The following ATAD3B variants were observed in gnomAD, a reference collection of about 807,000 sequenced individuals.
ATAD3B encodes ATPase family AAA domain-containing protein 3B.
In ATAD3B, 59 loss-of-function variants were observed where a neutral mutation model predicts 70.2. The ratio of observed to expected loss-of-function variants is 0.84; its 90% CI spans 0.68 to 1.04. ATAD3B has a LOEUF of 1.04. Ranked by LOEUF, ATAD3B falls within the 50% of genes least tolerant of loss-of-function variation. The pLI is 0.00. For missense variants in ATAD3B, 961 were observed against 913.4 expected (o/e 1.05, Z -0.67); for synonymous variants, 423 against 388.6 (o/e 1.09, Z -1.04).
intron 1 of ATAD3B, among the ~76,000 whole-genome samples, chr1:1,473,450 C>G (rs1246291317): frequency 6.6e-6 from 1 of 151,212 alleles, no homozygotes; most frequent in Non-Finnish European, 1.5e-5. Context: ...GTGGTCCACC[C>G]GCCTCGGCCT....
In ATAD3B at chr1:1,496,071, C is replaced by A. The variant is rs1640779963; in HGVS notation, c.*254C>A. ...CTAGACAGAAGTGGGGCGGCCTGAA[C>A]CCTGCTTCCAGCCATGGCCAGGGGC... On this transcript the variant is annotated 3_prime_UTR_variant, in exon 16 of 16. Transcript: ENST00000673477. 9 of 1,242,760 alleles carry A rather than the reference C, an allele frequency of 7.2e-6. No individual in the cohort carries two copies. The highest frequency in any genetic ancestry group is 8.1e-6 in the Non-Finnish European group (8 of 989,812). 77.0% of individuals were successfully genotyped at this position (1,242,760 alleles called of 1,614,324 possible). A position where few individuals can be genotyped will look rare whatever the true frequency, so the allele number is the denominator to read the frequency against.
chr1:1,495,330 G>C (rs777345604), intron 15 of ATAD3B, among the ~76,000 whole-genome samples, 155 bp from the exon 16 acceptor site: 1 of 152,064 alleles, frequency 6.6e-6, no homozygotes, highest in African/African-American at 2.4e-5. Context: ...GTCCACACGC[G>C]TGCTGGGCTC....
At chr1:1,509,334 G>C in the ATAD3B span, 1 of 1,611,594 alleles carries the variant, frequency 6.2e-7, no homozygotes, top group Non-Finnish European at 8.5e-7. Flanking sequence ...GCCCGAGGAC[G>C]AGCAACCCTC....
downstream of ATAD3B, among the ~76,000 whole-genome samples, chr1:1,502,584 T>C (rs1273027983): frequency 1.4e-5 from 2 of 146,232 alleles, no homozygotes; most frequent in East Asian, 4.2e-4. Flanking sequence ...CGATCTTGTC[T>C]CACTGCAACC....
downstream of ATAD3B, among the ~76,000 whole-genome samples, chr1:1,501,196 C>T (rs1021895514): frequency 1.1e-4 from 16 of 152,116 alleles, no homozygotes; most frequent in Admixed American, 9.2e-4. Flanking sequence ...TTAAGCGATT[C>T]TCCTGCCTCA....
chr1:1,502,212 T>C (rs941022113), downstream of ATAD3B, among the ~76,000 whole-genome samples: 8 of 150,256 alleles, frequency 5.3e-5, no homozygotes, highest in East Asian at 2.0e-4. Context: ...GGCTTTTTTT[T>C]TCTCTCTCTT....
At position 1,489,510 on chromosome 1, in the gene ATAD3B, C is replaced by T. The variant is rs189208949; in HGVS notation, c.1337+236C>T. ...GTCCTGTCTTCACGGCCCTGTGCGC[C>T]GCCGCCCCAGCTTGCAGGTCCCTCT... On this transcript the variant is annotated intron_variant, in intron 13 of 15. Transcript: ENST00000673477. 5.4e-3 allele frequency: 5,283 copies of T among 986,050 alleles called. 96 individuals carry two copies. The highest frequency in any genetic ancestry group is 0.022 in the South Asian group (1,297 of 59,292). The allele number at this position is 986,050 out of a possible 1,614,324, so 61.1% of individuals were successfully genotyped here. A position where few individuals can be genotyped will look rare whatever the true frequency, so the allele number is the denominator to read the frequency against.
chr1:1,498,838 T>C (rs1013598451), downstream of ATAD3B, among the ~76,000 whole-genome samples: 6 of 151,910 alleles, frequency 3.9e-5, no homozygotes, highest in African/African-American at 1.5e-4. Context: ...ATGTTAACTT[T>C]TCTCAGCTGC....
Position 1,496,341 on chromosome 1 carries a change from A to G in ATAD3B, c.*524A>G. On this transcript the variant is annotated 3_prime_UTR_variant, in exon 16 of 16. Transcript: ENST00000673477. Reference sequence around the variant, plus strand: ...CTGATCACAGAGCGGTGTGCTTCACATCAGCCTCGCGCCACATCCGAGTTG... The same window carrying G: ...CTGATCACAGAGCGGTGTGCTTCACGTCAGCCTCGCGCCACATCCGAGTTG... 2 of 772,892 alleles carry G rather than the reference A, an allele frequency of 2.6e-6. No homozygotes were observed. Among genetic ancestry groups the G allele is most frequent in the Non-Finnish European group, 3.1e-6 (2 of 635,448 alleles). 47.9% of individuals were successfully genotyped at this position (772,892 alleles called of 1,614,324 possible).
At chr1:1,475,572 C>T (rs1381353933) in intron 1 of ATAD3B, among the ~76,000 whole-genome samples, 4 of 151,976 alleles carry the variant, frequency 2.6e-5, no homozygotes, top group Non-Finnish European at 5.9e-5. Context: ...CGCCTCGTTC[C>T]CAGAGTCTGC....
intron 11 of ATAD3B, 65 bp downstream of exon 11, chr1:1,486,733 G>A (rs907480205): frequency 3.4e-6 from 5 of 1,486,468 alleles, no homozygotes; most frequent in African/African-American, 2.9e-5. Context: ...CTTCTGGGAA[G>A]GGGGTCCAGG....
chr1:1,494,668 G>T (rs1488498345), intron 15 of ATAD3B, among the ~76,000 whole-genome samples: 1 of 151,988 alleles, frequency 6.6e-6, no homozygotes, highest in African/African-American at 2.4e-5. Flanking sequence ...TGGGAGGATG[G>T]TGTGCTGCTG....
rs1165712964 is a variant in ATAD3B, at chr1:1,485,560, G to A, written c.907-222G>A. ...CCTGCTCTCCACAGGTCACTGGGTA[G>A]GTGGTTAAGAAAATAAAAGCCAATA... is the stretch of plus-strand genomic sequence containing the variant. On this transcript the variant is annotated intron_variant, in intron 8 of 15. Coordinates refer to ENST00000673477, the MANE Select transcript of ATAD3B (RefSeq NM_031921.6). Among the ~76,000 whole-genome samples the A allele has an allele frequency of 2.0e-5, 3 of 152,234 alleles. No homozygotes were observed. In the East Asian group the frequency reaches 5.8e-4, roughly 29 times the overall value.
At position 1,490,429 on chromosome 1, in the gene ATAD3B, G is replaced by A; in HGVS notation, c.1505+5G>A. ...GCCGGCCACAGAAGGAAAACGGTGA[G>A]TGTCCCGCCTCACCCGGCCCCCAAT... On this transcript the variant is annotated splice_donor_5th_base_variant and intron_variant, in intron 14 of 15. Transcript: ENST00000673477. The A allele has an allele frequency of 6.2e-7, 1 of 1,613,144 alleles. No homozygotes were observed. Among genetic ancestry groups the A allele is most frequent in the South Asian group, 1.1e-5 (1 of 91,020 alleles).
At chr1:1,498,966 CT>C (rs1340992968), downstream of ATAD3B, among the ~76,000 whole-genome samples, 62 of 145,514 alleles carry the variant, frequency 4.3e-4, 1 homozygote, top group African/African-American at 1.6e-3. Flanking sequence ...TGTGTGGTTC[CT>C]CTTTTTTTTT....
At position 1,471,968 on chromosome 1, in the gene ATAD3B, G is replaced by C. The variant is rs1274194048; in HGVS notation, c.84G>C (p.Gly28=). The change falls in exon 1 of 16, where the codon GGG becomes GGC. Residue 28 remains glycine (G), a synonymous_variant. Transcript: ENST00000673477. ...PPPPLPPAQP[G]AEGGGDRGLG... ...CGCCTTTGCCGCCCGCGCAGCCCGG[G>C]GCCGAGGGCGGCGGGGACCGCGGTT... The C allele has an allele frequency of 1.6e-6, 2 of 1,241,616 alleles. No homozygotes were observed. Among genetic ancestry groups the C allele is most frequent in the Admixed American group, 4.3e-5 (1 of 23,222 alleles). 76.9% of individuals were successfully genotyped at this position (1,241,616 alleles called of 1,614,324 possible).
rs1187892339 is a variant in ATAD3B, at chr1:1,497,550, A to G, written c.*1733A>G. The stretch of plus-strand genomic sequence containing the variant: ...GGAATTGCCTAAATCTTAAACCAGC[A>G]ATCAATACTTTGTATTTAAAATTAA... On this transcript the variant is annotated 3_prime_UTR_variant, in exon 16 of 16. Coordinates refer to ENST00000673477, the MANE Select transcript of ATAD3B (RefSeq NM_031921.6). 1.3e-5 allele frequency: 2 copies of G among 151,046 alleles called. No individual in the cohort carries two copies. Among genetic ancestry groups the G allele is most frequent in the Non-Finnish European group, 2.9e-5 (2 of 67,884 alleles). 9.4% of individuals were successfully genotyped at this position (151,046 alleles called of 1,614,324 possible). A position where few individuals can be genotyped will look rare whatever the true frequency, so the allele number is the denominator to read the frequency against.
the ATAD3B span, chr1:1,509,163 G>C: frequency 1.2e-6 from 2 of 1,602,670 alleles, no homozygotes; most frequent in East Asian, 2.2e-5. Context: ...GGGGTGGGGG[G>C]TTCCCATGGC....
intron 4 of ATAD3B, among the ~76,000 whole-genome samples, 167 bp downstream of exon 4, chr1:1,479,275 C>T (rs1328660174): frequency 6.8e-6 from 1 of 147,682 alleles, no homozygotes; most frequent in African/African-American, 2.5e-5. Context: ...CACACGTGTA[C>T]AGGCACACAT....
Sources: allele counts gnomAD v4.1 joint callset (sites outside exome capture counted in the v4.1 genomes callset), GRCh38; gene constraint gnomAD v4.1.1; transcripts MANE v1.5; gene names NCBI Gene and HGNC (gene_info 2026-07-23, HGNC 2026-07-21).